ARID5B: variants seen among roughly 807,000 people sequenced by gnomAD.
ARID5B encodes the protein AT-rich interaction domain 5B, also known as AT-rich interactive domain-containing protein 5B.
Under a neutral mutation model 97.2 loss-of-function variants are expected in ARID5B, and 13 were observed. The observed-to-expected ratio is 0.13, with a 90% confidence interval of 0.09 to 0.21. ARID5B has a LOEUF of 0.21. ARID5B is among the 10% of genes least tolerant of loss of function. ARID5B has a pLI of 1.00. For missense variants in ARID5B, 1,210 were observed against 1,465.3 expected (o/e 0.83, Z 2.84); for synonymous variants, 556 against 570.3 (o/e 0.97, Z 0.36).
At chr10:61,929,353 AC>A (rs1257435869) in intron 2 of ARID5B, among the ~76,000 whole-genome samples, 1 of 151,920 alleles carries the variant, frequency 6.6e-6, no homozygotes, top group Non-Finnish European at 1.5e-5. Flanking sequence ...CTCCCTGCCA[AC>A]CCGTCTGATA....
chr10:62,073,941 C>T (rs1462232132), intron 8 of ARID5B, among the ~76,000 whole-genome samples: 1 of 152,144 alleles, frequency 6.6e-6, no homozygotes, highest in Admixed American at 6.5e-5. Flanking sequence ...TTATTTTTAT[C>T]AGTAAAGGAA....
intron 8 of ARID5B, among the ~76,000 whole-genome samples, chr10:62,083,742 A>T (rs2132974921): frequency 6.6e-6 from 1 of 152,360 alleles, no homozygotes; most frequent in East Asian, 1.9e-4. Flanking sequence ...AATTTAAAAT[A>T]TCTTTCCAGT....
Position 61,995,834 on chromosome 10 carries a change from G to A in ARID5B, c.503-4257G>A, listed in dbSNP as rs548384626. ...CTTTCCTAGGAGTCCTCAAGGTCTCGTGGGCTTTCTCCAGTTTGGTAAATA... is the reference window on the plus strand; with the variant it reads ...CTTTCCTAGGAGTCCTCAAGGTCTCATGGGCTTTCTCCAGTTTGGTAAATA... On this transcript the variant is annotated intron_variant, in intron 3 of 9. Coordinates refer to ENST00000279873, the MANE Select transcript of ARID5B (RefSeq NM_032199.3). 5.9e-5 allele frequency among the ~76,000 whole-genome samples: 9 copies of A among 152,156 alleles called. No individual in the cohort carries two copies. The South Asian group carries it at 1.5e-3, about 25-fold the overall frequency.
chr10:61,936,657 T>C (rs1004747779), intron 2 of ARID5B, among the ~76,000 whole-genome samples: 5 of 152,240 alleles, frequency 3.3e-5, no homozygotes, highest in African/African-American at 9.6e-5. Context: ...AGTCTACCTG[T>C]GAACCATCTA....
At chr10:62,085,229 A>C (rs1840265118) in intron 8 of ARID5B, among the ~76,000 whole-genome samples, 1 of 152,272 alleles carries the variant, frequency 6.6e-6, no homozygotes, top group African/African-American at 2.4e-5. Context: ...TACCTGGCAC[A>C]TGCTAGTACC....
intron 3 of ARID5B, among the ~76,000 whole-genome samples, chr10:61,991,906 C>T (rs781254242): frequency 6.6e-6 from 1 of 152,104 alleles, no homozygotes; most frequent in Non-Finnish European, 1.5e-5. Context: ...GTGGCGCATA[C>T]CTGTAATCCC....
intron 3 of ARID5B, among the ~76,000 whole-genome samples, chr10:61,998,947 A>G (rs1481115604): frequency 6.6e-6 from 1 of 152,198 alleles, no homozygotes; most frequent in Admixed American, 6.5e-5. Flanking sequence ...GCTTCATGTT[A>G]ATTTTACTCC....
chr10:61,936,075 G>C (rs976110048), intron 2 of ARID5B, among the ~76,000 whole-genome samples: 1 of 152,128 alleles, frequency 6.6e-6, no homozygotes, highest in African/African-American at 2.4e-5. Flanking sequence ...AGAGATTCCC[G>C]AGGGTTTCTG....
chr10:61,968,028 A>G (rs1177596409), intron 3 of ARID5B, among the ~76,000 whole-genome samples: 1 of 151,380 alleles, frequency 6.6e-6, no homozygotes, highest in Non-Finnish European at 1.5e-5. Flanking sequence ...AAAATTATTG[A>G]AAATGCGCAT....
At chr10:62,087,985 C>T (rs1037710629) in intron 9 of ARID5B, among the ~76,000 whole-genome samples, 1 of 151,900 alleles carries the variant, frequency 6.6e-6, no homozygotes, top group African/African-American at 2.4e-5. Context: ...CTGCCTCAGC[C>T]TCCCGAGTAG....
intron 3 of ARID5B, among the ~76,000 whole-genome samples, chr10:61,962,167 TGAGC>T (rs1236331447): frequency 3.3e-5 from 5 of 152,208 alleles, no homozygotes; most frequent in African/African-American, 1.2e-4. Context: ...CTGGGTAAAA[TGAGC>T]TTCTTCAGAA....
intron 4 of ARID5B, among the ~76,000 whole-genome samples, chr10:62,042,843 A>AG (rs1414346958): frequency 1.4e-5 from 2 of 146,820 alleles, no homozygotes; most frequent in East Asian, 4.1e-4. Context: ...TGAACCTGGG[A>AG]GGTGGAGCAT....
rs1419557415 is a variant in ARID5B at position 61,923,736 on chromosome 10, G to A, written c.277-16447G>A. 3.9e-5 allele frequency among the ~76,000 whole-genome samples: 6 copies of A among 152,212 alleles called. No individual in the cohort carries two copies. The East Asian group carries it at 1.2e-3, about 29-fold the overall frequency. On this transcript the variant is annotated intron_variant, in intron 2 of 9. Coordinates refer to ENST00000279873, the MANE Select transcript of ARID5B (RefSeq NM_032199.3). Reference sequence around the variant, plus strand: ...TGAACTCTCTGACAAAGGACTAGAAGGAGTGTGAGCTGCACTTCCCAGGAA... The same window carrying A: ...TGAACTCTCTGACAAAGGACTAGAAAGAGTGTGAGCTGCACTTCCCAGGAA...
intron 9 of ARID5B, among the ~76,000 whole-genome samples, chr10:62,086,889 G>GA (rs11396694): frequency 0.8 from 121,958 of 151,564 alleles, 49,678 homozygotes; most frequent in Middle Eastern, 0.93. Context: ...GTCCAGGAAA[G>GA]GGGACCTTGG....
At chr10:61,974,016 C>T (rs1339031164) in intron 3 of ARID5B, among the ~76,000 whole-genome samples, 9 of 152,174 alleles carry the variant, frequency 5.9e-5, no homozygotes, top group Non-Finnish European at 1.3e-4. Flanking sequence ...GAGCTTCTCT[C>T]TTTAAGGCAC....
chr10:62,061,695 C>T (rs985380268), intron 7 of ARID5B, among the ~76,000 whole-genome samples: 3 of 152,142 alleles, frequency 2.0e-5, no homozygotes, highest in Admixed American at 6.5e-5. Context: ...ACTGTGTGGG[C>T]GCCTTCTCAA....
At chr10:61,987,031 T>A (rs1304932492) in intron 3 of ARID5B, among the ~76,000 whole-genome samples, 1 of 152,116 alleles carries the variant, frequency 6.6e-6, no homozygotes, top group Non-Finnish European at 1.5e-5. Context: ...GAGGAAGACA[T>A]AGTGCTACCT....
At chr10:62,017,080 G>T (rs1346995585) in intron 4 of ARID5B, among the ~76,000 whole-genome samples, 1 of 152,192 alleles carries the variant, frequency 6.6e-6, no homozygotes, top group Non-Finnish European at 1.5e-5. Flanking sequence ...GTAAGGGGAA[G>T]TAGTGATTAA....
intron 2 of ARID5B, among the ~76,000 whole-genome samples, chr10:61,916,390 A>G (rs1382485098): frequency 6.6e-6 from 1 of 152,048 alleles, no homozygotes; most frequent in Admixed American, 6.5e-5. Context: ...CAGAGACTAT[A>G]TACCACACAG....
Sources: gnomAD v4.1 joint callset for allele counts (sites outside exome capture counted in the v4.1 genomes callset) on GRCh38, gnomAD v4.1.1 for gene constraint, MANE v1.5 for transcripts, NCBI Gene and HGNC (gene_info 2026-07-23, HGNC 2026-07-21) for gene names.